The following EVI5 variants were observed in gnomAD, a reference collection of about 807,000 sequenced individuals.
EVI5 encodes the protein ecotropic viral integration site 5 protein homolog.
In EVI5, 73 loss-of-function variants were observed where a neutral mutation model predicts 112.0. That is an observed-to-expected ratio of 0.65 (90% confidence interval 0.54 to 0.79). The LOEUF (loss-of-function observed/expected upper bound fraction) is 0.79. EVI5 is among the 30% of genes least tolerant of loss of function. EVI5 has a pLI of 0.00. For synonymous variants in EVI5, 305 were observed against 319.9 expected, an observed-to-expected ratio of 0.95 and a Z score of 0.50; for missense variants, 900 against 968.8, an observed-to-expected ratio of 0.93 and a Z score of 0.94.
chr1:92,779,352 G>A lies in EVI5; in HGVS notation c.-82+5484C>T, dbSNP rs770685335. ...AGCCTGGCCAACATGGTGAAAACCC[G>A]GCTCTACTAAAAATACAAAAATTAG... On this transcript the variant is annotated intron_variant, in intron 1 of 19. Transcript: ENST00000684568. Among the ~76,000 whole-genome samples, 6 of 152,112 alleles carry A rather than the reference G, an allele frequency of 3.9e-5. No homozygotes were observed. In the East Asian group the frequency reaches 9.7e-4, roughly 25 times the overall value.
intron 18 of EVI5, among the ~76,000 whole-genome samples, chr1:92,575,673 G>A (rs527829729): frequency 2.2e-4 from 32 of 144,774 alleles, no homozygotes; most frequent in African/African-American, 6.9e-4. Flanking sequence ...GGGTTCAAGC[G>A]ATTCTCATGC....
chr1:92,649,237 A>C (rs1277605065), intron 13 of EVI5, among the ~76,000 whole-genome samples: 2 of 152,114 alleles, frequency 1.3e-5, no homozygotes, highest in Admixed American at 1.3e-4. Context: ...TTTGTTGTTG[A>C]GTTGTAAGAG....
At chr1:92,652,040 A>T (rs1662220969) in intron 13 of EVI5, among the ~76,000 whole-genome samples, 1 of 152,188 alleles carries the variant, frequency 6.6e-6, no homozygotes. Flanking sequence ...ACAGATACTT[A>T]TAGGGCAATG....
At chr1:92,516,649 G>A (rs571807520) in intron 19 of EVI5, among the ~76,000 whole-genome samples, 1 of 152,276 alleles carries the variant, frequency 6.6e-6, no homozygotes, top group Admixed American at 6.5e-5. Context: ...CCCAGAATAT[G>A]TTCTAGAAGG....
At chr1:92,641,752 T>G (rs1354784353) in intron 13 of EVI5, among the ~76,000 whole-genome samples, 1 of 152,154 alleles carries the variant, frequency 6.6e-6, no homozygotes, top group Non-Finnish European at 1.5e-5. Context: ...ATGTTTGTAA[T>G]CCTCCCTACC....
At chr1:92,737,479 T>A (rs1677635458) in intron 1 of EVI5, among the ~76,000 whole-genome samples, 1 of 152,212 alleles carries the variant, frequency 6.6e-6, no homozygotes, top group Non-Finnish European at 1.5e-5. Flanking sequence ...ATTATACATA[T>A]GCTCACATAT....
chr1:92,706,132 T>C (rs1490035567), intron 2 of EVI5, among the ~76,000 whole-genome samples: 3 of 152,062 alleles, frequency 2.0e-5, no homozygotes, highest in African/African-American at 7.2e-5. Context: ...TTCCCAAATA[T>C]TGCTAAAAAC....
intron 19 of EVI5, among the ~76,000 whole-genome samples, chr1:92,550,782 ATATATATATATATAT>A (rs1254624112): frequency 8.7e-5 from 1 of 11,474 alleles, no homozygotes; most frequent in African/African-American, 4.2e-4. Context: ...AAAAAAAAAA[ATATATATATATATAT>A]ATATATATAT....
At chr1:92,615,184 T>C (rs114744003) in intron 16 of EVI5, among the ~76,000 whole-genome samples, 3,162 of 152,210 alleles carry the variant, frequency 0.021, 124 homozygotes, top group African/African-American at 0.071. Flanking sequence ...GGCAAGCAGT[T>C]TAGTGACTCT....
rs1398246934 is a variant in EVI5, at chr1:92,785,034, G to T, written c.-280C>A. The T allele has an allele frequency of 3.0e-6, 3 of 985,412 alleles. No homozygotes were observed. The African/African-American group carries it at 5.2e-5, about 17-fold the overall frequency. The allele number at this position is 985,412 out of a possible 1,614,324, so 61.0% of individuals were successfully genotyped here. On this transcript the variant is annotated 5_prime_UTR_variant, in exon 1 of 20. Coordinates refer to ENST00000684568, the MANE Select transcript of EVI5 (RefSeq NM_001350197.2). ...TACCCCTCCCGGCACCGCCGCTGTCGGAACTGCAGCCAGCCCCTTGCCAGC... is the reference window on the plus strand; with the variant it reads ...TACCCCTCCCGGCACCGCCGCTGTCTGAACTGCAGCCAGCCCCTTGCCAGC...
At chr1:92,576,484 T>C (rs1217539742) in intron 18 of EVI5, among the ~76,000 whole-genome samples, 1 of 152,126 alleles carries the variant, frequency 6.6e-6, no homozygotes, top group Non-Finnish European at 1.5e-5. Context: ...AAATTTTTAC[T>C]AAAATATAAG....
intron 19 of EVI5, among the ~76,000 whole-genome samples, chr1:92,519,721 C>T (rs947880066): frequency 2.6e-5 from 4 of 151,458 alleles, no homozygotes; most frequent in African/African-American, 7.3e-5. Context: ...GGGGAAACTC[C>T]GTCGTCTCTA....
chr1:92,746,983 C>T (rs1450228955), intron 1 of EVI5, among the ~76,000 whole-genome samples: 2 of 151,170 alleles, frequency 1.3e-5, no homozygotes, highest in Non-Finnish European at 1.5e-5. Flanking sequence ...ATACAAGTAA[C>T]GGGGGAAAAG....
At chr1:92,599,616 A>T (rs528657138) in intron 18 of EVI5, among the ~76,000 whole-genome samples, 1 of 152,334 alleles carries the variant, frequency 6.6e-6, no homozygotes, top group African/African-American at 2.4e-5. Flanking sequence ...GCAAATTAAC[A>T]GCAAGTTAGC....
intron 9 of EVI5, among the ~76,000 whole-genome samples, chr1:92,683,325 G>A (rs1175591190): frequency 6.6e-6 from 1 of 152,154 alleles, no homozygotes; most frequent in East Asian, 1.9e-4. Context: ...TGAGGGTTCT[G>A]ACTGTTAGAA....
At chr1:92,744,606 A>T (rs1440883886) in intron 1 of EVI5, among the ~76,000 whole-genome samples, 7 of 31,108 alleles carry the variant, frequency 2.3e-4, no homozygotes, top group African/African-American at 8.9e-4. Context: ...TCTCTCACAC[A>T]CACACACACA....
intron 9 of EVI5, among the ~76,000 whole-genome samples, chr1:92,681,704 A>G (rs894477167): frequency 2.6e-5 from 4 of 152,356 alleles, no homozygotes; most frequent in African/African-American, 9.6e-5. Context: ...TGAGGAGGAC[A>G]ATAACCAACA....
intron 1 of EVI5, among the ~76,000 whole-genome samples, chr1:92,764,952 T>C (rs1682382052): frequency 6.6e-6 from 1 of 152,182 alleles, no homozygotes; most frequent in African/African-American, 2.4e-5. Context: ...AAAAGAATTA[T>C]ACAAACCCAG....
chr1:92,770,399 T>C (rs1029635497), intron 1 of EVI5, among the ~76,000 whole-genome samples: 2 of 152,356 alleles, frequency 1.3e-5, no homozygotes, highest in Non-Finnish European at 2.9e-5. Context: ...TAATATATGT[T>C]AAAGACATTT....
Sources: allele counts gnomAD v4.1 joint callset (sites outside exome capture counted in the v4.1 genomes callset), GRCh38; gene constraint gnomAD v4.1.1; transcripts MANE v1.5; gene names NCBI Gene and HGNC (gene_info 2026-07-23, HGNC 2026-07-21).